Variants in THNSL1 observed in about 807,000 individuals in gnomAD.
THNSL1 encodes the protein threonine synthase-like 1.
THNSL1 carries 48 observed loss-of-function variants against 50.4 expected under a neutral mutation model. That is an observed-to-expected ratio of 0.95 (90% CI 0.76 to 1.21). The LOEUF is 1.21. Among genes scored for constraint, THNSL1 ranks in the 50% most tolerant of loss-of-function variants. THNSL1 has a pLI of 0.00. For missense variants in THNSL1, 896 were observed against 871.7 expected (o/e 1.03, Z -0.35); for synonymous variants, 309 against 306.1 (o/e 1.01, Z -0.10).
At chr10:24,970,166 T>C in the THNSL1 span, among the ~76,000 whole-genome samples, 1 of 152,212 alleles carries the variant, frequency 6.6e-6, no homozygotes, top group Non-Finnish European at 1.5e-5. Flanking sequence ...TGTACTCCCA[T>C]AGGATGGGCT....
chr10:24,969,474 T>C, the THNSL1 span, among the ~76,000 whole-genome samples: 1 of 152,214 alleles, frequency 6.6e-6, no homozygotes, highest in African/African-American at 2.4e-5. Context: ...TGCTGACTTT[T>C]CTAACAAATA....
the THNSL1 span, among the ~76,000 whole-genome samples, chr10:24,954,680 A>G: frequency 2.6e-5 from 4 of 152,232 alleles, no homozygotes; most frequent in Admixed American, 6.5e-5. Flanking sequence ...TATATAGGTC[A>G]TCCTATAAAG....
chr10:24,969,653 T>C, the THNSL1 span, among the ~76,000 whole-genome samples: 1 of 152,226 alleles, frequency 6.6e-6, no homozygotes, highest in Non-Finnish European at 1.5e-5. Flanking sequence ...GCTACTTAAG[T>C]GCTGTCCATA....
At chr10:24,984,052 T>C in the THNSL1 span, 6 of 293,686 alleles carry the variant, frequency 2.0e-5, no homozygotes, top group South Asian at 4.6e-4. Context: ...AGTATCGAGG[T>C]TGGTATGCTA....
the THNSL1 span, among the ~76,000 whole-genome samples, chr10:25,003,011 C>A: frequency 4.6e-5 from 7 of 151,710 alleles, no homozygotes; most frequent in Non-Finnish European, 1.0e-4. Flanking sequence ...GAACTGAAAG[C>A]CTGTCCATCT....
At chr10:24,992,894 A>T in the THNSL1 span, among the ~76,000 whole-genome samples, 1 of 152,206 alleles carries the variant, frequency 6.6e-6, no homozygotes, top group Admixed American at 6.5e-5. Context: ...ACTTCAGGAA[A>T]CACTGAAGGA....
the THNSL1 span, among the ~76,000 whole-genome samples, chr10:24,959,328 C>A: frequency 6.6e-6 from 1 of 152,094 alleles, no homozygotes; most frequent in Non-Finnish European, 1.5e-5. Flanking sequence ...TGGCAATATC[C>A]CAAGACATGA....
upstream of THNSL1, among the ~76,000 whole-genome samples, chr10:25,012,973 A>T (rs148193454): frequency 4.6e-5 from 7 of 152,146 alleles, no homozygotes; most frequent in African/African-American, 1.7e-4. Flanking sequence ...GGATCTGGTG[A>T]TAGGTAATTG....
At chr10:25,002,023 T>C in the THNSL1 span, among the ~76,000 whole-genome samples, 1 of 152,240 alleles carries the variant, frequency 6.6e-6, no homozygotes, top group Non-Finnish European at 1.5e-5. Flanking sequence ...TTTCTGGGAT[T>C]CAGTTATGAT....
the THNSL1 span, among the ~76,000 whole-genome samples, chr10:24,996,239 A>G: frequency 6.6e-6 from 1 of 152,352 alleles, no homozygotes; most frequent in East Asian, 1.9e-4. Flanking sequence ...TCTCGGCAAC[A>G]CAGTGAAACC....
the THNSL1 span, among the ~76,000 whole-genome samples, chr10:24,991,404 C>T: frequency 6.6e-6 from 1 of 151,812 alleles, no homozygotes; most frequent in Non-Finnish European, 1.5e-5. Context: ...GCCTATAAAA[C>T]CCCCCGAGAC....
At chr10:24,955,753 C>T in the THNSL1 span, among the ~76,000 whole-genome samples, 5 of 152,180 alleles carry the variant, frequency 3.3e-5, no homozygotes, top group African/African-American at 1.2e-4. Context: ...AAGACCAAAC[C>T]TGGGTAACAT....
the THNSL1 span, chr10:24,984,371 C>T: frequency 6.7e-7 from 1 of 1,502,722 alleles, no homozygotes; most frequent in Non-Finnish European, 9.0e-7. Context: ...CTGTTGGTAT[C>T]ATGCGCTGCA....
chr10:25,023,298 G>T lies in THNSL1; in HGVS notation c.75G>T (p.Thr25=). 6.2e-7 allele frequency: 1 copy of T among 1,614,028 alleles called. No individual in the cohort carries two copies. The highest frequency in any genetic ancestry group is 1.1e-5 in the South Asian group (1 of 91,082). ...QKCFSSIHVK[T]DKHAQRFLSR... is the part of the protein sequence containing the mutation. ...GTTTTTCTAGTATACATGTTAAAAC[G>T]GATAAACATGCACAGCGATTTCTTT... Residue 25 remains threonine, a synonymous_variant, in exon 3 of 3, where the codon ACG becomes ACT. Coordinates refer to ENST00000376356, the MANE Select transcript of THNSL1 (RefSeq NM_024838.5).
chr10:24,997,319 T>C, the THNSL1 span, among the ~76,000 whole-genome samples: 5 of 151,744 alleles, frequency 3.3e-5, no homozygotes, highest in Non-Finnish European at 7.4e-5. Context: ...TCTCCAGAAC[T>C]GTCCTCCAGA....
the THNSL1 span, chr10:24,952,422 G>A: frequency 7.7e-7 from 1 of 1,296,374 alleles, no homozygotes; most frequent in Non-Finnish European, 1.1e-6. This position sits in a 1 kb window ranked among gnomAD's most constrained non-coding sequence, Gnocchi z 5.1. Context: ...GAACAAAGCG[G>A]TGGCCCTCTC....
chr10:24,975,517 T>A, the THNSL1 span, among the ~76,000 whole-genome samples: 101 of 152,296 alleles, frequency 6.6e-4, 1 homozygote, highest in Non-Finnish European at 1.1e-3. Context: ...AGGGAGAGAC[T>A]GACGGGAGGG....
At position 25,024,892 on chromosome 10, in the gene THNSL1, G is replaced by A. The variant is rs1387475949; in HGVS notation, c.1669G>A (p.Ala557Thr). 2 of 1,613,782 alleles carry A rather than the reference G, an allele frequency of 1.2e-6. No homozygotes were observed. The highest frequency in any genetic ancestry group is 3.3e-5 in the Admixed American group (2 of 60,000). Residue 557 changes from alanine (A) to threonine (T), a missense_variant, in exon 3 of 3, where the codon GCA becomes ACA. Transcript: ENST00000376356. The part of the protein sequence containing the change: ...GHYDLRERKL[A>T]QTFSPSIDIL... ...TTATGATCTAAGGGAAAGAAAACTA[G>A]CACAAACCTTTTCACCGTCAATAGA...
rs776547470 is a variant in THNSL1, at chr10:25,023,403, G to A, written c.180G>A (p.Leu60=). Residue 60 remains leucine (L), a synonymous_variant, in exon 3 of 3, where the codon CTG becomes CTA. Coordinates refer to ENST00000376356, the MANE Select transcript of THNSL1 (RefSeq NM_024838.5). ...TTGTTGGAGACAAAAATATTATCCT[G>A]ATGGGACCTCCTGGTGCTGGGAAAA... ...HSLVGDKNII[L]MGPPGAGKTT... is the part of the protein sequence containing the mutation. 6.2e-7 allele frequency: 1 copy of A among 1,614,156 alleles called. No individual in the cohort carries two copies. The highest frequency in any genetic ancestry group is 8.5e-7 in the Non-Finnish European group (1 of 1,180,010).
Sources: allele counts gnomAD v4.1 joint callset (sites outside exome capture counted in the v4.1 genomes callset), GRCh38; gene constraint gnomAD v4.1.1; non-coding constraint Gnocchi (gnomAD v3.1); transcripts MANE v1.5; gene names NCBI Gene and HGNC (gene_info 2026-07-23, HGNC 2026-07-21).